The following COL6A6 variants were observed in gnomAD, a reference collection of about 807,000 sequenced individuals.
COL6A6 encodes the protein collagen type VI alpha 6 chain.
A neutral mutation model predicts 208.6 loss-of-function variants in COL6A6; 183 were observed. The ratio of observed to expected loss-of-function variants is 0.88; its 90% CI spans 0.78 to 0.99. The LOEUF (loss-of-function observed/expected upper bound fraction) is 0.99. Ranked by LOEUF, COL6A6 falls within the 50% of genes least tolerant of loss-of-function variation. The pLI, the probability that COL6A6 is intolerant of heterozygous loss-of-function variation, is 0.00. For missense variants in COL6A6, 2,816 were observed against 2,815.2 expected, an observed-to-expected ratio of 1.00 and a Z score of -0.01; for synonymous variants, 973 against 1,011.8, an observed-to-expected ratio of 0.96 and a Z score of 0.73.
chr3:130,588,917 C>CAA (rs58377635), intron 11 of COL6A6, among the ~76,000 whole-genome samples, 173 bp from the exon 12 acceptor site: 3,794 of 68,068 alleles, frequency 0.056, 281 homozygotes, highest in African/African-American at 0.15. Context: ...AAGATGGAAG[C>CAA]AAAAAAAAAA....
intron 23 of COL6A6, among the ~76,000 whole-genome samples, chr3:130,612,682 A>G (rs2064394943): frequency 6.6e-6 from 1 of 152,132 alleles, no homozygotes; most frequent in African/African-American, 2.4e-5. Context: ...CCGCTGGATT[A>G]AAAAATGAGA....
intron 5 of COL6A6, 42 bp from the exon 6 acceptor site, chr3:130,568,005 A>G (rs748205807): frequency 6.0e-6 from 9 of 1,502,194 alleles, no homozygotes; most frequent in African/African-American, 1.4e-5. Flanking sequence ...AACTTTTTAC[A>G]TGTAGCTGAC....
Position 130,574,090 on chromosome 3 carries a change from C to A in COL6A6, c.3112C>A (p.Arg1038=), listed in dbSNP as rs777444690. 3 of 1,613,714 alleles carry A rather than the reference C, an allele frequency of 1.9e-6. No individual in the cohort carries two copies. Among genetic ancestry groups the A allele is most frequent in the East Asian group, 4.5e-5 (2 of 44,892 alleles). Residue 1038 remains arginine, a synonymous_variant, in exon 8 of 37, where the codon CGA becomes AGA. Coordinates refer to ENST00000358511, the MANE Select transcript of COL6A6 (RefSeq NM_001102608.3). ...QDFDVSLNRV[R]IGAAQFSDTY... ...CTTTGATGTCAGCCTCAACAGAGTG[C>A]GAATAGGAGCGGCCCAGTTTAGCGA...
chr3:130,662,529 T>C (rs2065964133), intron 35 of COL6A6, among the ~76,000 whole-genome samples: 1 of 152,034 alleles, frequency 6.6e-6, no homozygotes, highest in Non-Finnish European at 1.5e-5. Context: ...ATGCCTCTGG[T>C]TCCTATAGAG....
At chr3:130,599,057 T>C (rs2063929001) in intron 19 of COL6A6, among the ~76,000 whole-genome samples, 1 of 152,204 alleles carries the variant, frequency 6.6e-6, no homozygotes, top group African/African-American at 2.4e-5. Context: ...TATCTCATGC[T>C]CCGTTGCTTA....
intron 29 of COL6A6, among the ~76,000 whole-genome samples, chr3:130,642,455 A>G (rs2065344557): frequency 6.6e-6 from 1 of 152,186 alleles, no homozygotes; most frequent in African/African-American, 2.4e-5. Context: ...TCTGCTATGA[A>G]AGAGGGCAAC....
At chr3:130,601,158 C>A (rs1004683350) in intron 20 of COL6A6, among the ~76,000 whole-genome samples, 4 of 152,094 alleles carry the variant, frequency 2.6e-5, no homozygotes, top group African/African-American at 4.8e-5. Flanking sequence ...GCTAGGTTTT[C>A]TTTCCATTCT....
intron 31 of COL6A6, 84 bp downstream of exon 31, chr3:130,643,107 C>A: frequency 7.0e-7 from 1 of 1,425,798 alleles, no homozygotes; most frequent in African/African-American, 1.4e-5. Context: ...GAATTGAATT[C>A]ACCAGCCAAT....
At chr3:130,598,303 G>A (rs569421970) in intron 18 of COL6A6, 62 bp from the exon 19 acceptor site, 1 of 1,132,276 alleles carries the variant, frequency 8.8e-7, no homozygotes, top group Admixed American at 2.1e-5. Flanking sequence ...TTATACATAA[G>A]TTATATGTTT....
At chr3:130,571,802 A>G (rs2063173678) in intron 7 of COL6A6, among the ~76,000 whole-genome samples, 1 of 150,100 alleles carries the variant, frequency 6.7e-6, no homozygotes, top group Non-Finnish European at 1.5e-5. Context: ...TGCCTCCCCA[A>G]GGAGCTGGGA....
chr3:130,554,944 T>C (rs902728001), intron 1 of COL6A6, among the ~76,000 whole-genome samples: 1 of 152,006 alleles, frequency 6.6e-6, no homozygotes, highest in African/African-American at 2.4e-5. Context: ...TCAGTTGAGG[T>C]ACCCCAGTTG....
intron 1 of COL6A6, among the ~76,000 whole-genome samples, chr3:130,525,059 C>T (rs1047996363): frequency 2.0e-5 from 3 of 152,206 alleles, no homozygotes; most frequent in African/African-American, 7.2e-5. Flanking sequence ...CTTACAACAA[C>T]CCATTATCCT....
intron 1 of COL6A6, among the ~76,000 whole-genome samples, chr3:130,557,925 C>G (rs922568292): frequency 6.6e-6 from 1 of 152,088 alleles, no homozygotes; most frequent in African/African-American, 2.4e-5. Context: ...TTAAAAAGAC[C>G]TTTATAGCAT....
At position 130,673,462 on chromosome 3, in the gene COL6A6, G is replaced by T. The variant is rs144333485; in HGVS notation, c.6597-1740G>T. On this transcript the variant is annotated intron_variant, in intron 36 of 36. Transcript: ENST00000358511. ...GAAAACAAAGGACCTAACGGAAAAGGCGGGGAGGTGGGGAGAGGTGCGGGG... is the reference window on the plus strand; with the variant it reads ...GAAAACAAAGGACCTAACGGAAAAGTCGGGGAGGTGGGGAGAGGTGCGGGG... 3.9e-3 allele frequency among the ~76,000 whole-genome samples: 592 copies of T among 152,000 alleles called. 7 individuals carry two copies. Among genetic ancestry groups the T allele is most frequent in the African/African-American group, 0.014 (563 of 41,420 alleles).
rs143118824 is a variant in COL6A6 at position 130,672,160 on chromosome 3, T to A, written c.6597-3042T>A. On this transcript the variant is annotated intron_variant, in intron 36 of 36. Transcript: ENST00000358511. ...AGATGTAGCATGGCTGACTCTTGAATATCTGCATAGATGGAGGAATCTGAT... is the reference window on the plus strand; with the variant it reads ...AGATGTAGCATGGCTGACTCTTGAAAATCTGCATAGATGGAGGAATCTGAT... Among the ~76,000 whole-genome samples, 117 of 152,346 alleles carry A rather than the reference T, an allele frequency of 7.7e-4. 1 individual carries two copies. In the East Asian group the frequency reaches 0.02, roughly 26 times the overall value.
chr3:130,660,101 T>C lies in COL6A6; in HGVS notation c.5830+1329T>C, dbSNP rs1293556747. On this transcript the variant is annotated intron_variant, in intron 34 of 36. Transcript: ENST00000358511. ...TGATGGTATGTTGCATAGTCAGAAG[T>C]TGCACATGTGTGACTGGGGATAGAT... is the stretch of plus-strand genomic sequence containing the variant. Among the ~76,000 whole-genome samples the C allele has an allele frequency of 2.6e-5, 4 of 152,346 alleles. 1 individual carries two copies. In the East Asian group the frequency reaches 7.7e-4, roughly 29 times the overall value.
intron 23 of COL6A6, 65 bp from the exon 24 acceptor site, chr3:130,621,754 GAC>G (rs2064723216): frequency 7.3e-7 from 1 of 1,363,316 alleles, no homozygotes; most frequent in East Asian, 2.3e-5. Context: ...CCTCTTATAA[GAC>G]AGAGGGTTTG....
chr3:130,656,339 G>C (rs925995083), intron 33 of COL6A6, among the ~76,000 whole-genome samples: 2 of 151,956 alleles, frequency 1.3e-5, no homozygotes, highest in African/African-American at 4.8e-5. Context: ...TTGAGTGACA[G>C]AACAGCTCAG....
intron 8 of COL6A6, among the ~76,000 whole-genome samples, chr3:130,578,395 G>A (rs1306482267): frequency 6.6e-6 from 1 of 152,182 alleles, no homozygotes; most frequent in Non-Finnish European, 1.5e-5. Flanking sequence ...CTGAAGCAGA[G>A]TTTACATGCC....
Sources: allele counts gnomAD v4.1 joint callset (sites outside exome capture counted in the v4.1 genomes callset), GRCh38; gene constraint gnomAD v4.1.1; transcripts MANE v1.5; gene names NCBI Gene and HGNC (gene_info 2026-07-23, HGNC 2026-07-21).